The following FAM98A variants were observed in gnomAD, a reference collection of about 807,000 sequenced individuals.
FAM98A encodes the protein tRNA splicing ligase complex subunit 3A.
A neutral mutation model predicts 62.9 loss-of-function variants in FAM98A; 25 were observed. The ratio of observed to expected loss-of-function variants is 0.40; its 90% CI spans 0.29 to 0.56. The LOEUF (loss-of-function observed/expected upper bound fraction) is 0.56, where lower values mean the gene tolerates loss of function less well. Ranked by LOEUF, FAM98A falls within the 20% of genes least tolerant of loss-of-function variation. The pLI, the probability that FAM98A is intolerant of heterozygous loss-of-function variation, is 0.51. For synonymous variants in FAM98A, 252 were observed against 228.6 expected (o/e 1.10, Z -0.92); for missense variants, 653 against 640.7 (o/e 1.02, Z -0.21).
rs1051372800 is a variant in FAM98A at position 33,588,575 on chromosome 2, A to T, written c.338-56T>A. ...AGATACAGCTATAGTTATAGTCATA[A>T]GTCTGGAGTCACAACTATATAGACC... On this transcript the variant is annotated intron_variant, in intron 3 of 7. Transcript: ENST00000238823. The T allele has an allele frequency of 1.2e-5, 18 of 1,455,010 alleles. No individual in the cohort carries two copies. The African/African-American group carries it at 2.2e-4, about 18-fold the overall frequency. The allele number at this position is 1,455,010 out of a possible 1,614,324, so 90.1% of individuals were successfully genotyped here.
rs747891454 is a variant in FAM98A at position 33,584,912 on chromosome 2, GCACGACCACCTCGGCCTC to G, written c.1403_1420del (p.Gly468_Arg473del). The G allele has an allele frequency of 3.0e-5, 49 of 1,610,970 alleles. No homozygotes were observed. The highest frequency in any genetic ancestry group is 3.4e-5 in the Non-Finnish European group (40 of 1,178,860). On this transcript the variant is annotated inframe_deletion, in exon 8 of 8. Transcript: ENST00000238823. The stretch of plus-strand genomic sequence containing the variant: ...TCCTCCCCAGCCTCCTCCCTGGCCT[GCACGACCACCTCGGCCTC>G]CACGACCACCTCGCCCACCACGACC...
chr2:33,587,263 T>C lies in FAM98A; in HGVS notation c.580A>G (p.Lys194Glu). The change falls in exon 5 of 8, where the codon AAG becomes GAG. Residue 194 changes from lysine to glutamate, a missense_variant. Physicochemically the swap from Lys to Glu is moderately conservative, Grantham distance 56. Coordinates refer to ENST00000238823, the MANE Select transcript of FAM98A (RefSeq NM_015475.5). The part of the protein sequence containing the change: ...PNHVGKPLLK[K>E]PMGPAHWEKI... ...ACCCAGTGGGCTGGTCCCATTGGCT[T>C]CTTCAGTAAAGGCTTTCCCACATGA... The C allele has an allele frequency of 2.5e-6, 4 of 1,612,928 alleles. No individual in the cohort carries two copies. Among genetic ancestry groups the C allele is most frequent in the Non-Finnish European group, 3.4e-6 (4 of 1,178,920 alleles).
chr2:33,584,539 T>C lies in FAM98A; in HGVS notation c.*237A>G. On this transcript the variant is annotated 3_prime_UTR_variant, in exon 8 of 8. Coordinates refer to ENST00000238823, the MANE Select transcript of FAM98A (RefSeq NM_015475.5). ...GCAATTAAAGGCAATTTTAACCACC[T>C]TTTAAAAAATTTTTCATAGAAAGGA... 4.4e-6 allele frequency: 2 copies of C among 458,650 alleles called. No homozygotes were observed. Among genetic ancestry groups the C allele is most frequent in the Non-Finnish European group, 7.6e-6 (2 of 261,584 alleles). 28.4% of individuals were successfully genotyped at this position (458,650 alleles called of 1,614,324 possible). A position where few individuals can be genotyped will look rare whatever the true frequency, so the allele number is the denominator to read the frequency against.
At chr2:33,594,535 TAA>T (rs1160445620) in intron 2 of FAM98A, among the ~76,000 whole-genome samples, 742 of 34,200 alleles carry the variant, frequency 0.022, 87 homozygotes, top group African/African-American at 0.052. Context: ...AACATAAAGT[TAA>T]AAAAAAAAAA....
At chr2:33,596,317 A>G (rs1677810018) in intron 1 of FAM98A, among the ~76,000 whole-genome samples, 1 of 152,328 alleles carries the variant, frequency 6.6e-6, no homozygotes, top group Admixed American at 6.5e-5. Flanking sequence ...AGTACCAAAG[A>G]AACGTCAGGT....
rs1469700623 is a variant in FAM98A, at chr2:33,585,239, C to A, written c.1094G>T (p.Gly365Val). 4 of 1,614,012 alleles carry A rather than the reference C, an allele frequency of 2.5e-6. No individual in the cohort carries two copies. In the African/African-American group the frequency reaches 5.3e-5, roughly 22 times the overall value. Residue 365 changes from glycine to valine, a missense_variant, in exon 8 of 8, where the codon GGC becomes GTC. Physicochemically the swap from Gly to Val is moderately radical, Grantham distance 109. Coordinates refer to ENST00000238823, the MANE Select transcript of FAM98A (RefSeq NM_015475.5). Reference sequence around the variant, plus strand: ...TCCCCCTCGGCCACCATGGTCATAGCCACCACGTCCACCTCTCCCGCCTCC... The same window carrying A: ...TCCCCCTCGGCCACCATGGTCATAGACACCACGTCCACCTCTCCCGCCTCC... ...EQGGGRGGRG[G>V]YDHGGRGGGR... is the part of the protein sequence containing the mutation.
chr2:33,585,679 C>T lies in FAM98A; in HGVS notation c.739G>A (p.Ala247Thr), dbSNP rs1378253096. The change falls in exon 7 of 8, where the codon GCC becomes ACC. Residue 247 changes from alanine (A) to threonine (T), a missense_variant. Ala to Thr is a moderately conservative substitution (Grantham distance 58). Coordinates refer to ENST00000238823, the MANE Select transcript of FAM98A (RefSeq NM_015475.5). ...DRAKSQTEKLAKVYQPKRSVL... is the reference protein window; with the variant it reads ...DRAKSQTEKLTKVYQPKRSVL... ...GAACGTTTCGGCTGGTAAACCTTGG[C>T]TAATTTTTCTGTCTGGCTCTGTTGA... 3 of 1,613,294 alleles carry T rather than the reference C, an allele frequency of 1.9e-6. No individual in the cohort carries two copies. Among genetic ancestry groups the T allele is most frequent in the South Asian group, 2.2e-5 (2 of 90,882 alleles).
intron 3 of FAM98A, 57 bp downstream of exon 3, chr2:33,592,023 A>T (rs1677681523): frequency 7.2e-7 from 1 of 1,384,996 alleles, no homozygotes; most frequent in African/African-American, 1.4e-5. Context: ...TCAGTTTATT[A>T]GTCATGGAAA....
At position 33,585,453 on chromosome 2, in the gene FAM98A, T is replaced by C. The variant is rs758862119; in HGVS notation, c.889-9A>G. On this transcript the variant is annotated splice_polypyrimidine_tract_variant and intron_variant, in intron 7 of 7. Coordinates refer to ENST00000238823, the MANE Select transcript of FAM98A (RefSeq NM_015475.5). ...ACCCTGCCCATCAACACCTACAGAA[T>C]AGGAAAGATATTTTAAACTTTTATT... is the stretch of plus-strand genomic sequence containing the variant. 5 of 1,613,508 alleles carry C rather than the reference T, an allele frequency of 3.1e-6. No individual in the cohort carries two copies. The highest frequency in any genetic ancestry group is 4.5e-5 in the East Asian group (2 of 44,880).
chr2:33,585,602 C>A lies in FAM98A; in HGVS notation c.816G>T (p.Arg272Ser), dbSNP rs749288673. 6.2e-7 allele frequency: 1 copy of A among 1,614,144 alleles called. No homozygotes were observed. The highest frequency in any genetic ancestry group is 1.1e-5 in the South Asian group (1 of 91,084). ...TISVAHLLAA[R>S]QDLSKILRTS... ...TCCTTAAAATCTTTGACAAGTCCTG[C>A]CTTGCAGCCAAAAGATGGGCAACAG... Residue 272 changes from arginine (R) to serine (S), a missense_variant, in exon 7 of 8, where the codon AGG becomes AGT. Coordinates refer to ENST00000238823, the MANE Select transcript of FAM98A (RefSeq NM_015475.5).
At position 33,586,718 on chromosome 2, in the gene FAM98A, G is replaced by A. The variant is rs1448262768; in HGVS notation, c.604-40C>T. ...AAAAGACTAGTTAGAGTTTAAATCT[G>A]CTTGATTCTCTGTCCCAAAAGGGCA... is the stretch of plus-strand genomic sequence containing the variant. On this transcript the variant is annotated intron_variant, in intron 5 of 7. Coordinates refer to ENST00000238823, the MANE Select transcript of FAM98A (RefSeq NM_015475.5). 7.5e-6 allele frequency: 10 copies of A among 1,338,874 alleles called. No homozygotes were observed. The Admixed American group carries it at 1.3e-4, about 18-fold the overall frequency. 82.9% of individuals were successfully genotyped at this position (1,338,874 alleles called of 1,614,324 possible). A position where few individuals can be genotyped will look rare whatever the true frequency, so the allele number is the denominator to read the frequency against.
chr2:33,585,717 C>T lies in FAM98A; in HGVS notation c.721-20G>A. ...CTGGCTCTGTTGAAAGAAAAGTGTT[C>T]AAAGAGAAATGTCAATTTTCAAAAT... On this transcript the variant is annotated intron_variant, in intron 6 of 7. Coordinates refer to ENST00000238823, the MANE Select transcript of FAM98A (RefSeq NM_015475.5). 2 of 1,594,540 alleles carry T rather than the reference C, an allele frequency of 1.3e-6. No homozygotes were observed. Among genetic ancestry groups the T allele is most frequent in the Middle Eastern group, 1.7e-4 (1 of 5,944 alleles).
chr2:33,585,990 A>G (rs920128754), intron 6 of FAM98A, among the ~76,000 whole-genome samples: 1 of 152,236 alleles, frequency 6.6e-6, no homozygotes, highest in Non-Finnish European at 1.5e-5. Flanking sequence ...AGGTTCCCCC[A>G]TCATTGGTCT....
At chr2:33,595,683 T>A in intron 1 of FAM98A, 46 bp from the exon 2 acceptor site, 2 of 1,439,148 alleles carry the variant, frequency 1.4e-6, no homozygotes, top group Non-Finnish European at 1.9e-6. Context: ...CAATCATACC[T>A]AATATATTAC....
At position 33,584,792 on chromosome 2, in the gene FAM98A, C is replaced by A; in HGVS notation, c.1541G>T (p.Arg514Ile). ...TCGGTAGCCTCAACTAGTGTAATGT[C>A]TTCCCTGTCCAAATCCAGAATGATT... The part of the protein sequence containing the change: ...QYNHSGFGQG[R>I]HYTS The change falls in exon 8 of 8, where the codon AGA becomes ATA. Residue 514 changes from arginine to isoleucine, a missense_variant. Physicochemically the swap from Arg to Ile is moderately conservative, Grantham distance 97. Transcript: ENST00000238823. 5.6e-6 allele frequency: 9 copies of A among 1,603,350 alleles called. No homozygotes were observed. Among genetic ancestry groups the A allele is most frequent in the Non-Finnish European group, 7.7e-6 (9 of 1,171,686 alleles).
intron 2 of FAM98A, among the ~76,000 whole-genome samples, chr2:33,593,199 T>G (rs1424435420): frequency 6.6e-6 from 1 of 152,034 alleles, no homozygotes; most frequent in Non-Finnish European, 1.5e-5. Context: ...AGTTCAGGAG[T>G]TCGAGACCAG....
chr2:33,590,488 C>T (rs1677646833), intron 3 of FAM98A, among the ~76,000 whole-genome samples: 1 of 151,970 alleles, frequency 6.6e-6, no homozygotes, highest in Non-Finnish European at 1.5e-5. Context: ...AAAATGAGTA[C>T]ATGTAGGTAA....
chr2:33,588,137 T>C (rs1034456441), intron 4 of FAM98A, 198 bp downstream of exon 4: 1 of 591,848 alleles, frequency 1.7e-6, no homozygotes, highest in Non-Finnish European at 3.1e-6. Context: ...CATGCTAACA[T>C]GTTTTTAGGA....
rs755540906 is a variant in FAM98A at position 33,587,278 on chromosome 2, T to C, written c.565A>G (p.Lys189Glu). 3.7e-6 allele frequency: 6 copies of C among 1,613,722 alleles called. 1 individual carries two copies. In the South Asian group the frequency reaches 6.6e-5, roughly 18 times the overall value. Reference protein sequence around the residue: ...LAKVPPNHVGKPLLKKPMGPA... With the variant: ...LAKVPPNHVGEPLLKKPMGPA... Reference sequence around the variant, plus strand: ...CCCATTGGCTTCTTCAGTAAAGGCTTTCCCACATGATTAGGTGGAACTTTT... The same window carrying C: ...CCCATTGGCTTCTTCAGTAAAGGCTCTCCCACATGATTAGGTGGAACTTTT... The change falls in exon 5 of 8, where the codon AAG becomes GAG. Residue 189 changes from lysine (K) to glutamate (E), a missense_variant. Transcript: ENST00000238823.
Sources: allele counts gnomAD v4.1 joint callset (sites outside exome capture counted in the v4.1 genomes callset), GRCh38; gene constraint gnomAD v4.1.1; transcripts MANE v1.5; gene names NCBI Gene and HGNC (gene_info 2026-07-23, HGNC 2026-07-21).